DNM3: variants seen among roughly 807,000 people sequenced by gnomAD.
DNM3 encodes the protein dynamin-3.
In DNM3, 47 loss-of-function variants were observed where a neutral mutation model predicts 101.6. The observed-to-expected ratio is 0.46, with a 90% CI of 0.37 to 0.59. DNM3 has a LOEUF of 0.59. Ranked by LOEUF, DNM3 falls within the 20% of genes least tolerant of loss-of-function variation. The probability of loss-of-function intolerance (pLI) is 0.00; values close to 1 mark genes in which losing one functional copy is unlikely to be tolerated. For missense variants in DNM3, 849 were observed against 1,085.7 expected (o/e 0.78, Z 3.06); for synonymous variants, 385 against 387.9 (o/e 0.99, Z 0.09).
At chr1:172,200,337 GTTCT>G (rs1206613285) in intron 14 of DNM3, among the ~76,000 whole-genome samples, 1 of 152,016 alleles carries the variant, frequency 6.6e-6, no homozygotes, top group African/African-American at 2.4e-5. Context: ...TGCCTTTGAA[GTTCT>G]TTCTTTCATT....
chr1:172,059,509 G>T (rs200156343), intron 10 of DNM3, among the ~76,000 whole-genome samples: 6,723 of 74,858 alleles, frequency 0.09, 69 homozygotes, highest in East Asian at 0.3. Context: ...GATCAAGTGG[G>T]CTTCATCCCT....
chr1:172,215,127 A>G (rs2060645996), intron 14 of DNM3, among the ~76,000 whole-genome samples: 1 of 152,128 alleles, frequency 6.6e-6, no homozygotes, highest in Non-Finnish European at 1.5e-5. Context: ...ACATTTTAGT[A>G]TTGGTTCTGA....
At chr1:172,225,768 A>G (rs991238197) in intron 14 of DNM3, among the ~76,000 whole-genome samples, 1 of 151,984 alleles carries the variant, frequency 6.6e-6, no homozygotes, top group African/African-American at 2.4e-5. Context: ...TAAATATAAA[A>G]AATTCCAACA....
chr1:172,088,403 C>A (rs2053678808), intron 12 of DNM3, among the ~76,000 whole-genome samples: 1 of 152,132 alleles, frequency 6.6e-6, no homozygotes, highest in African/African-American at 2.4e-5. Context: ...CAATACTATG[C>A]ATTTCAGGGA....
At chr1:172,050,879 A>G (rs759284702) in intron 10 of DNM3, among the ~76,000 whole-genome samples, 4 of 151,770 alleles carry the variant, frequency 2.6e-5, no homozygotes, top group African/African-American at 4.9e-5. Context: ...GTATGCATGA[A>G]TCTTTTTTTT....
intron 14 of DNM3, among the ~76,000 whole-genome samples, chr1:172,201,483 C>G (rs1238212824): frequency 6.6e-6 from 1 of 152,150 alleles, no homozygotes; most frequent in Non-Finnish European, 1.5e-5. Context: ...AGATGCAGGT[C>G]AACAATTGCT....
chr1:172,339,465 A>C (rs1467897363), intron 17 of DNM3, among the ~76,000 whole-genome samples: 4 of 152,186 alleles, frequency 2.6e-5, no homozygotes, highest in African/African-American at 9.7e-5. Context: ...TTTGGGAACC[A>C]AGGGCTCCTC....
chr1:172,338,734 G>T, intron 17 of DNM3: 1 of 435,686 alleles, frequency 2.3e-6, no homozygotes, highest in Admixed American at 2.6e-5. Context: ...ATATTTGTTT[G>T]TTCAAAGAAG....
At chr1:171,985,018 C>G (rs2125604207) in intron 2 of DNM3, among the ~76,000 whole-genome samples, 1 of 151,884 alleles carries the variant, frequency 6.6e-6, no homozygotes, top group East Asian at 1.9e-4. Context: ...GATTTTACAC[C>G]CTTCCGGAAG....
rs1275306115 is a variant in DNM3, at chr1:172,346,691, G to A, written c.1893+23351G>A. 2.6e-5 allele frequency among the ~76,000 whole-genome samples: 4 copies of A among 152,252 alleles called. No individual in the cohort carries two copies. The East Asian group carries it at 7.7e-4, about 29-fold the overall frequency. On this transcript the variant is annotated intron_variant, in intron 17 of 20. Transcript: ENST00000627582. ...ATGATGAAGAAAATAGATCAAATTT[G>A]TATTAAATGCACTACCAAAATGAAT...
intron 15 of DNM3, among the ~76,000 whole-genome samples, chr1:172,265,032 G>C (rs766390915): frequency 6.6e-6 from 1 of 152,076 alleles, no homozygotes; most frequent in Non-Finnish European, 1.5e-5. Flanking sequence ...AATTTCCATG[G>C]AATGCTTTTA....
intron 1 of DNM3, among the ~76,000 whole-genome samples, chr1:171,863,596 G>A (rs1292271559): frequency 1.6e-4 from 24 of 152,122 alleles, no homozygotes. Flanking sequence ...CTGTTACCCA[G>A]CTTCTAAGCA....
chr1:172,053,359 A>G (rs1273655533), intron 10 of DNM3, among the ~76,000 whole-genome samples: 5 of 151,584 alleles, frequency 3.3e-5, no homozygotes, highest in East Asian at 3.9e-4. Flanking sequence ...CAATCATCCT[A>G]TTTTCCTTAA....
intron 14 of DNM3, among the ~76,000 whole-genome samples, chr1:172,189,996 T>C (rs1178438515): frequency 1.3e-5 from 2 of 148,858 alleles, no homozygotes; most frequent in African/African-American, 2.5e-5. Context: ...ACCTCCAACA[T>C]TGGGAATCAC....
chr1:172,098,848 G>C (rs143296579), intron 13 of DNM3, among the ~76,000 whole-genome samples: 1 of 152,208 alleles, frequency 6.6e-6, no homozygotes, highest in Non-Finnish European at 1.5e-5. Flanking sequence ...ATGTTTCAAG[G>C]AGGGAATAGT....
intron 1 of DNM3, among the ~76,000 whole-genome samples, chr1:171,898,583 A>T (rs893352965): frequency 6.6e-6 from 1 of 152,114 alleles, no homozygotes; most frequent in African/African-American, 2.4e-5. Flanking sequence ...AATAAAAATC[A>T]CCTATAATCC....
chr1:171,898,182 T>C (rs888158953), intron 1 of DNM3, among the ~76,000 whole-genome samples: 1 of 152,170 alleles, frequency 6.6e-6, no homozygotes, highest in Non-Finnish European at 1.5e-5. Flanking sequence ...TTTGCCCTAA[T>C]TGGCCAGTGG....
At chr1:172,249,245 C>G (rs995277449) in intron 14 of DNM3, among the ~76,000 whole-genome samples, 1 of 152,148 alleles carries the variant, frequency 6.6e-6, no homozygotes, top group Non-Finnish European at 1.5e-5. Context: ...CCATACCTAT[C>G]TCTCATTGAC....
In DNM3 at chr1:172,290,323, G is replaced by A. The variant is rs139965795; in HGVS notation, c.1770-18405G>A. 4.2e-3 allele frequency among the ~76,000 whole-genome samples: 642 copies of A among 152,260 alleles called. 10 individuals carry two copies. The highest frequency in any genetic ancestry group is 0.015 in the African/African-American group (603 of 41,554). Reference sequence around the variant, plus strand: ...CAGGATTTTAGCTAGAGGGGTTAGGGGAGGCTTCTCTAGGGGATATTAGTG... The same window carrying A: ...CAGGATTTTAGCTAGAGGGGTTAGGAGAGGCTTCTCTAGGGGATATTAGTG... On this transcript the variant is annotated intron_variant, in intron 15 of 20. Coordinates refer to ENST00000627582, the MANE Select transcript of DNM3 (RefSeq NM_015569.5).
Sources: gnomAD v4.1 joint callset for allele counts (sites outside exome capture counted in the v4.1 genomes callset) on GRCh38, gnomAD v4.1.1 for gene constraint, MANE v1.5 for transcripts, NCBI Gene and HGNC (gene_info 2026-07-23, HGNC 2026-07-21) for gene names.